UNC80: variants seen among roughly 807,000 people sequenced by gnomAD.
UNC80 encodes protein unc-80 homolog.
In UNC80, 164 loss-of-function variants were observed where a neutral mutation model predicts 384.6. The ratio of observed to expected loss-of-function variants is 0.43; its 90% confidence interval spans 0.38 to 0.49. The LOEUF (loss-of-function observed/expected upper bound fraction) is 0.49. UNC80 is among the 20% of genes least tolerant of loss of function. The pLI, the probability that UNC80 is intolerant of heterozygous loss-of-function variation, is 0.00. For missense variants in UNC80, 3,330 were observed against 4,143.0 expected (o/e 0.80, Z 5.39); for synonymous variants, 1,486 against 1,527.8 (o/e 0.97, Z 0.64).
chr2:209,812,500 C>T (rs926698552), intron 7 of UNC80, among the ~76,000 whole-genome samples: 8 of 152,300 alleles, frequency 5.3e-5, no homozygotes, highest in Admixed American at 2.6e-4. Context: ...TACTCACTCT[C>T]TGTGGCTGCG....
chr2:209,858,694 C>CA (rs34333434), intron 22 of UNC80, among the ~76,000 whole-genome samples: 36,450 of 125,754 alleles, frequency 0.29, 5,073 homozygotes, highest in East Asian at 0.43. Flanking sequence ...ACCCTGTTTC[C>CA]AAAAAAAAAA....
intron 56 of UNC80, among the ~76,000 whole-genome samples, chr2:209,974,178 C>T (rs1475595547): frequency 6.6e-6 from 1 of 152,134 alleles, no homozygotes; most frequent in Non-Finnish European, 1.5e-5. Context: ...CACAAACACA[C>T]TGATGAAAAT....
At chr2:209,825,294 A>G (rs1206030900) in intron 13 of UNC80, among the ~76,000 whole-genome samples, 1 of 152,206 alleles carries the variant, frequency 6.6e-6, no homozygotes, top group Non-Finnish European at 1.5e-5. Context: ...GATGATATCA[A>G]TTCTCATGAT....
chr2:209,930,836 A>G (rs1464149056), intron 37 of UNC80, 132 bp from the exon 38 acceptor site: 5 of 605,772 alleles, frequency 8.3e-6, no homozygotes, highest in Non-Finnish European at 1.2e-5. Flanking sequence ...AAAATGTTGA[A>G]CATAATTGAA....
At chr2:209,817,218 A>C in intron 10 of UNC80, 93 bp downstream of exon 10, 4 of 1,256,448 alleles carry the variant, frequency 3.2e-6, no homozygotes, top group Non-Finnish European at 4.4e-6. Flanking sequence ...TCTTTCTTGA[A>C]CAATTCAGCC....
intron 47 of UNC80, among the ~76,000 whole-genome samples, chr2:209,953,707 G>T (rs2092294701): frequency 1.3e-5 from 2 of 152,084 alleles, no homozygotes; most frequent in Non-Finnish European, 2.9e-5. Context: ...GTTTTATGTT[G>T]TCTCAAAATT....
chr2:209,961,228 A>G (rs1183690310), intron 51 of UNC80: 1 of 152,156 alleles, frequency 6.6e-6, no homozygotes, highest in African/African-American at 2.4e-5. Flanking sequence ...AGAGGCCAAT[A>G]CCTATTAAAG....
At chr2:209,870,064 G>A (rs777371726) in intron 22 of UNC80, among the ~76,000 whole-genome samples, 2 of 152,114 alleles carry the variant, frequency 1.3e-5, no homozygotes, top group African/African-American at 2.4e-5. Flanking sequence ...CCTCTCAGTT[G>A]CCATCTAACA....
chr2:209,953,016 A>C (rs1384742059), intron 47 of UNC80, among the ~76,000 whole-genome samples: 1 of 152,218 alleles, frequency 6.6e-6, no homozygotes, highest in Non-Finnish European at 1.5e-5. Context: ...TGTAAGAAAA[A>C]GAATAGATCA....
chr2:209,834,295 G>C, intron 17 of UNC80, 127 bp downstream of exon 17: 1 of 1,047,892 alleles, frequency 9.5e-7, no homozygotes, highest in Non-Finnish European at 1.4e-6. Context: ...TCTTGCGTAA[G>C]TGGTTTCACT....
chr2:209,966,523 G>A (rs2092746153), intron 51 of UNC80, among the ~76,000 whole-genome samples: 1 of 152,144 alleles, frequency 6.6e-6, no homozygotes, highest in African/African-American at 2.4e-5. Context: ...CATTGTATTT[G>A]TATTATTTGG....
At chr2:209,831,401 T>C (rs1369938998) in intron 15 of UNC80, 42 bp from the exon 16 acceptor site, 2 of 1,523,806 alleles carry the variant, frequency 1.3e-6, no homozygotes, top group African/African-American at 2.8e-5. Flanking sequence ...ATTGTGTAGC[T>C]TAAAGGAAAC....
chr2:209,807,530 A>AT (rs1303154362), intron 7 of UNC80, among the ~76,000 whole-genome samples: 2 of 151,644 alleles, frequency 1.3e-5, no homozygotes, highest in East Asian at 3.9e-4. Context: ...ACGCCCAGCT[A>AT]TTTTTTGTAT....
In UNC80 at chr2:209,800,736, C is replaced by A. The variant is rs548256580; in HGVS notation, c.938+6877C>A. Among the ~76,000 whole-genome samples the A allele has an allele frequency of 2.6e-5, 4 of 152,216 alleles. No individual in the cohort carries two copies. In the South Asian group the frequency reaches 8.3e-4, roughly 32 times the overall value. On this transcript the variant is annotated intron_variant, in intron 7 of 64. Coordinates refer to ENST00000673920, the MANE Select transcript of UNC80 (RefSeq NM_001371986.1). ...TCTAAACACTGCTTTAGCTGTGTCC[C>A]AAAGATTCTGGTACGTTGTCTCTTT...
chr2:209,931,601 C>A (rs1227341095), intron 38 of UNC80, among the ~76,000 whole-genome samples: 1 of 152,124 alleles, frequency 6.6e-6, no homozygotes, highest in African/African-American at 2.4e-5. Context: ...GATGACTACA[C>A]CTTGAAACTG....
chr2:209,929,014 A>G, intron 36 of UNC80, among the ~76,000 whole-genome samples: 1 of 152,212 alleles, frequency 6.6e-6, no homozygotes, highest in East Asian at 1.9e-4. Flanking sequence ...ACCTATTTTA[A>G]TTAGTTATAG....
chr2:209,776,191 C>A, intron 3 of UNC80, 146 bp downstream of exon 3: 1 of 1,021,738 alleles, frequency 9.8e-7, no homozygotes, highest in Non-Finnish European at 1.3e-6. Flanking sequence ...CCTCCTCACA[C>A]TTATACTCAT....
intron 22 of UNC80, among the ~76,000 whole-genome samples, chr2:209,862,989 A>G (rs532565525): frequency 1.8e-4 from 27 of 152,042 alleles, no homozygotes; most frequent in Non-Finnish European, 2.5e-4. Flanking sequence ...TCCTTTCCAT[A>G]TTTAGTGCTT....
chr2:209,881,400 A>G (rs920633420), intron 25 of UNC80, among the ~76,000 whole-genome samples: 2 of 152,142 alleles, frequency 1.3e-5, no homozygotes, highest in Admixed American at 1.3e-4. Flanking sequence ...TGAAAATATG[A>G]GGAGTTTTAT....
Sources: gnomAD v4.1 joint callset for allele counts (sites outside exome capture counted in the v4.1 genomes callset) on GRCh38, gnomAD v4.1.1 for gene constraint, MANE v1.5 for transcripts, NCBI Gene and HGNC (gene_info 2026-07-23, HGNC 2026-07-21) for gene names.